CIROP: variants seen among roughly 807,000 people sequenced by gnomAD.
CIROP encodes leishmanolysin homolog.
the CIROP span, chr14:23,103,386 CAA>C: frequency 5.5e-6 from 2 of 366,716 alleles, no homozygotes. Flanking sequence ...CCCGTCTCTA[CAA>C]AAAAAAATAC....
the CIROP span, chr14:23,104,510 G>C: frequency 1.4e-6 from 1 of 702,890 alleles, no homozygotes; most frequent in South Asian, 1.5e-5. Context: ...CCCATATCTT[G>C]GAATTCCAGT....
chr14:23,099,292 C>G, the CIROP span: 1 of 413,366 alleles, frequency 2.4e-6, no homozygotes, highest in East Asian at 3.6e-5. Context: ...TCACACCTCC[C>G]TTATTCCTCT....
chr14:23,104,983 G>A, the CIROP span: 1 of 630,658 alleles, frequency 1.6e-6, no homozygotes, highest in Non-Finnish European at 2.9e-6. Context: ...TTGTTCCCTG[G>A]CTCACTGTTT....
the CIROP span, chr14:23,104,886 G>A: frequency 2.2e-6 from 1 of 453,840 alleles, no homozygotes; most frequent in South Asian, 2.9e-5. Context: ...GACTAGTGGC[G>A]GCAGCAGCAG....
At chr14:23,100,944 C>T in the CIROP span, 1 of 398,904 alleles carries the variant, frequency 2.5e-6, no homozygotes. Context: ...GGAGGCCCAG[C>T]TAATTCTAAA....
chr14:23,104,765 G>A, the CIROP span: 1 of 702,902 alleles, frequency 1.4e-6, no homozygotes, highest in African/African-American at 1.7e-5. Context: ...AGCTAGGGAG[G>A]GTGAGGGAGG....
chr14:23,101,952 G>C, the CIROP span: 11 of 701,306 alleles, frequency 1.6e-5, no homozygotes, highest in African/African-American at 1.9e-4. Context: ...CTCAGCAAAT[G>C]AAGCCCAAAC....
chr14:23,104,882 T>TGGCGGCAGCAGC, the CIROP span: 3 of 661,374 alleles, frequency 4.5e-6, no homozygotes, highest in African/African-American at 5.7e-5. Flanking sequence ...TGAGGACTAG[T>TGGCGGCAGCAGC]GGCGGCAGCA....
chr14:23,104,733 C>G, the CIROP span: 1 of 702,822 alleles, frequency 1.4e-6, no homozygotes, highest in Non-Finnish European at 2.6e-6. Flanking sequence ...GCTTTGGATT[C>G]GTAGGGGTTG....
chr14:23,103,694 G>A, the CIROP span: 1 of 702,926 alleles, frequency 1.4e-6, no homozygotes, highest in South Asian at 1.5e-5. Context: ...GCACTTGGAA[G>A]TGTGAGCAAC....
At chr14:23,101,842 C>G in the CIROP span, 1 of 702,920 alleles carries the variant, frequency 1.4e-6, no homozygotes, top group Admixed American at 2.0e-5. Flanking sequence ...GCACACACAC[C>G]TGCCAGTACA....
At chr14:23,104,938 C>T in the CIROP span, 1 of 679,306 alleles carries the variant, frequency 1.5e-6, no homozygotes, top group South Asian at 1.6e-5. Context: ...CTGTGTCTCT[C>T]CGTAGATACA....
At chr14:23,103,958 A>T in the CIROP span, 1 of 589,136 alleles carries the variant, frequency 1.7e-6, no homozygotes, top group African/African-American at 1.9e-5. Context: ...CTGCCCCTTC[A>T]CCCCCAGTCT....
At chr14:23,104,642 G>A in the CIROP span, 14 of 702,658 alleles carry the variant, frequency 2.0e-5, no homozygotes, top group Admixed American at 1.6e-4. Context: ...CTCTCACTGC[G>A]GCCAGGGCTC....
the CIROP span, chr14:23,104,975 G>T: frequency 1.3e-5 from 8 of 638,070 alleles, no homozygotes; most frequent in East Asian, 2.2e-4. Context: ...CCGTCCCCTT[G>T]TTCCCTGGCT....
the CIROP span, chr14:23,103,877 TGAG>T: frequency 2.9e-6 from 2 of 678,514 alleles, no homozygotes; most frequent in Non-Finnish European, 5.4e-6. Context: ...AAATTGGGTA[TGAG>T]GAGTAGGGGA....
At chr14:23,104,899 GCA>G in the CIROP span, 1 of 609,088 alleles carries the variant, frequency 1.6e-6, no homozygotes, top group Non-Finnish European at 2.9e-6. Flanking sequence ...AGCAGCAGCA[GCA>G]GCAGCAGCAG....
the CIROP span, chr14:23,101,960 A>G: frequency 2.9e-6 from 2 of 701,154 alleles, no homozygotes; most frequent in Non-Finnish European, 5.2e-6. Context: ...ATGAAGCCCA[A>G]ACATCCTTCA....
the CIROP span, chr14:23,100,571 G>T: frequency 2.5e-6 from 1 of 406,216 alleles, no homozygotes. Context: ...GAGAGTCAGA[G>T]TCAGGGCCTT....
Sources: allele counts gnomAD v4.1 joint callset, GRCh38; gene constraint gnomAD v4.1.1; transcripts MANE v1.5; gene names NCBI Gene and HGNC (gene_info 2026-07-23, HGNC 2026-07-21).